Variants in CLSTN2 observed in about 807,000 individuals in gnomAD.
CLSTN2 encodes calsyntenin 2.
Under a neutral mutation model 101.2 loss-of-function variants are expected in CLSTN2, and 48 were observed. The observed-to-expected ratio is 0.47, with a 90% CI of 0.38 to 0.60. The LOEUF is 0.60. Among genes scored for constraint, CLSTN2 ranks in the 20% least tolerant of loss-of-function variants. The pLI, the probability that CLSTN2 is intolerant of heterozygous loss-of-function variation, is 0.00. For missense variants in CLSTN2, 1,160 were observed against 1,238.2 expected (o/e 0.94, Z 0.95); for synonymous variants, 481 against 463.6 (o/e 1.04, Z -0.48).
chr3:140,467,896 T>C (rs1256485275), intron 8 of CLSTN2, among the ~76,000 whole-genome samples: 3 of 152,292 alleles, frequency 2.0e-5, no homozygotes, highest in Middle Eastern at 3.4e-3. Context: ...TTCATCCTCA[T>C]AGAAGTACAC....
At chr3:140,019,053 C>T (rs2007255620) in intron 1 of CLSTN2, among the ~76,000 whole-genome samples, 1 of 152,100 alleles carries the variant, frequency 6.6e-6, no homozygotes, top group South Asian at 2.1e-4. Flanking sequence ...GAAGGTCTGG[C>T]TTCCTCTGCT....
rs79573271 is a variant in CLSTN2 at position 139,993,561 on chromosome 3, A to G, written c.109+58078A>G. Among the ~76,000 whole-genome samples, 82 of 152,256 alleles carry G rather than the reference A, an allele frequency of 5.4e-4. No individual in the cohort carries two copies. The East Asian group carries it at 0.015, about 29-fold the overall frequency. On this transcript the variant is annotated intron_variant, in intron 1 of 16. Transcript: ENST00000458420. ...TTGATCCCCAGTGTGCACTCTCTTG[A>G]AGGGCCTTTGGCTCAAACAGTATAT...
rs1248420675 is a variant in CLSTN2, at chr3:140,568,633, T to C, written c.*2380T>C. The C allele has an allele frequency of 1.3e-5, 2 of 152,216 alleles. No homozygotes were observed. The highest frequency in any genetic ancestry group is 2.9e-5 in the Non-Finnish European group (2 of 68,022). The allele number at this position is 152,216 out of a possible 1,614,324, so 9.4% of individuals were successfully genotyped here. On this transcript the variant is annotated 3_prime_UTR_variant, in exon 17 of 17. Transcript: ENST00000458420. The stretch of plus-strand genomic sequence containing the variant: ...AAAATTGTGGCAGCAAAAAGAACAC[T>C]TCATATGCTTAAAACCCATTCTTTT...
intron 5 of CLSTN2, among the ~76,000 whole-genome samples, chr3:140,444,327 G>T (rs1559871373): frequency 1.3e-5 from 2 of 152,096 alleles, no homozygotes; most frequent in Non-Finnish European, 1.5e-5. Flanking sequence ...GTGCTAGGGA[G>T]GCTGAGGCAG....
chr3:140,104,213 G>C (rs539808420), intron 1 of CLSTN2, among the ~76,000 whole-genome samples: 1 of 152,180 alleles, frequency 6.6e-6, no homozygotes. Context: ...GATGACCTGG[G>C]TTTTTCCACA....
At chr3:140,305,689 G>A (rs1209758147) in intron 2 of CLSTN2, among the ~76,000 whole-genome samples, 1 of 152,136 alleles carries the variant, frequency 6.6e-6, no homozygotes, top group Non-Finnish European at 1.5e-5. Flanking sequence ...GCCCTTAATA[G>A]AGCAATGTGC....
At position 140,535,096 on chromosome 3, in the gene CLSTN2, C is replaced by G. The variant is rs575509499; in HGVS notation, c.1507+2610C>G. 3.3e-5 allele frequency among the ~76,000 whole-genome samples: 5 copies of G among 152,336 alleles called. No homozygotes were observed. The South Asian group carries it at 6.2e-4, about 19-fold the overall frequency. Reference sequence around the variant, plus strand: ...AATTACTTTCCACCAATGCAACCACCATGCCCTCCCCACCAACACACACAC... The same window carrying G: ...AATTACTTTCCACCAATGCAACCACGATGCCCTCCCCACCAACACACACAC... On this transcript the variant is annotated intron_variant, in intron 9 of 16. Transcript: ENST00000458420.
intron 8 of CLSTN2, among the ~76,000 whole-genome samples, chr3:140,510,559 T>A (rs4396871): frequency 0.2 from 31,075 of 152,198 alleles, 3,316 homozygotes; most frequent in Non-Finnish European, 0.25. Flanking sequence ...CAAATGTTGC[T>A]CAACCAAATT....
intron 2 of CLSTN2, among the ~76,000 whole-genome samples, chr3:140,222,790 T>C (rs192109929): frequency 1.3e-5 from 2 of 151,534 alleles, no homozygotes; most frequent in Non-Finnish European, 2.9e-5. Context: ...TTACACATTA[T>C]ATGCCTGTAT....
chr3:140,072,040 A>C (rs561548538), intron 1 of CLSTN2, among the ~76,000 whole-genome samples: 65 of 152,292 alleles, frequency 4.3e-4, no homozygotes, highest in African/African-American at 1.5e-3. Flanking sequence ...GAATAATTGC[A>C]ATCTTGTTGG....
intron 2 of CLSTN2, among the ~76,000 whole-genome samples, chr3:140,306,382 A>T (rs1272613267): frequency 6.6e-6 from 1 of 152,154 alleles, no homozygotes; most frequent in Non-Finnish European, 1.5e-5. Context: ...TCGTAATTCT[A>T]AGAGGACAGC....
Position 140,405,138 on chromosome 3 carries a change from A to G in CLSTN2, c.637+372A>G, listed in dbSNP as rs999214982. Among the ~76,000 whole-genome samples the G allele has an allele frequency of 2.0e-5, 3 of 152,186 alleles. No individual in the cohort carries two copies. In the East Asian group the frequency reaches 5.8e-4, roughly 29 times the overall value. ...ATCTGGGTCCGTTTCCTATGTAATA[A>G]GTCATAATACCAGCCCTATTGCCTC... is the stretch of plus-strand genomic sequence containing the variant. On this transcript the variant is annotated intron_variant, in intron 4 of 16. Coordinates refer to ENST00000458420, the MANE Select transcript of CLSTN2 (RefSeq NM_022131.3).
chr3:140,082,697 G>A (rs532244512), intron 1 of CLSTN2, among the ~76,000 whole-genome samples: 138 of 152,210 alleles, frequency 9.1e-4, no homozygotes, highest in South Asian at 2.3e-3. Context: ...GAGTTGTCTT[G>A]CCAGAAGTTG....
intron 1 of CLSTN2, among the ~76,000 whole-genome samples, chr3:139,937,692 C>T (rs1935050703): frequency 6.6e-6 from 1 of 151,980 alleles, no homozygotes; most frequent in Non-Finnish European, 1.5e-5. Context: ...TTCAATGAGC[C>T]GAGATCGCGC....
chr3:140,090,818 C>G (rs182203299), intron 1 of CLSTN2, among the ~76,000 whole-genome samples: 1 of 152,126 alleles, frequency 6.6e-6, no homozygotes, highest in Admixed American at 6.5e-5. Flanking sequence ...CAAGATAGAC[C>G]ATTAAAGGAG....
chr3:140,230,879 G>A (rs2086365564), intron 2 of CLSTN2, among the ~76,000 whole-genome samples: 1 of 152,090 alleles, frequency 6.6e-6, no homozygotes, highest in Admixed American at 6.6e-5. Flanking sequence ...ATTATATTTA[G>A]GTTTCCCTGG....
rs1434285667 is a variant in CLSTN2, at chr3:140,329,855, A to C, written c.233-73774A>C. ...CTTATATCATTAGGCCAGTCATAAA[A>C]TATTAAAAGTTAAGTAATTCAATGT... On this transcript the variant is annotated intron_variant, in intron 2 of 16. Transcript: ENST00000458420. Among the ~76,000 whole-genome samples the C allele has an allele frequency of 1.3e-5, 2 of 152,228 alleles. 1 individual carries two copies. Among genetic ancestry groups the C allele is most frequent in the South Asian group, 4.1e-4 (2 of 4,830 alleles).
intron 2 of CLSTN2, among the ~76,000 whole-genome samples, chr3:140,245,633 GC>G (rs1466146265): frequency 6.9e-6 from 1 of 145,264 alleles, no homozygotes; most frequent in Non-Finnish European, 1.5e-5. Context: ...ACATTGCCAT[GC>G]CCCAGAGACC....
chr3:140,353,614 C>G (rs1247742663), intron 2 of CLSTN2, among the ~76,000 whole-genome samples: 2 of 152,134 alleles, frequency 1.3e-5, no homozygotes, highest in African/African-American at 4.8e-5. Context: ...TCAATCCAAT[C>G]AAGTTGATAC....
Sources: gnomAD v4.1 joint callset for allele counts (sites outside exome capture counted in the v4.1 genomes callset) on GRCh38, gnomAD v4.1.1 for gene constraint, MANE v1.5 for transcripts, NCBI Gene and HGNC (gene_info 2026-07-23, HGNC 2026-07-21) for gene names.